The following MYO5A variants were observed in gnomAD, a reference collection of about 807,000 sequenced individuals.
MYO5A encodes myosin VA.
MYO5A carries 98 observed loss-of-function variants against 249.7 expected under a neutral mutation model. That is an observed-to-expected ratio of 0.39 (90% CI 0.33 to 0.46). MYO5A has a LOEUF of 0.46. MYO5A is among the 20% of genes least tolerant of loss of function. The probability of loss-of-function intolerance (pLI) is 0.98; values close to 1 mark genes in which losing one functional copy is unlikely to be tolerated. For missense variants in MYO5A, 1,696 were observed against 2,308.8 expected (o/e 0.73, Z 5.44); for synonymous variants, 778 against 810.6 (o/e 0.96, Z 0.68).
chr15:52,435,921 TTTTC>T (rs1394198590), intron 1 of MYO5A, among the ~76,000 whole-genome samples: 2 of 152,134 alleles, frequency 1.3e-5, no homozygotes, highest in African/African-American at 2.4e-5. Flanking sequence ...AGTTTTTTTG[TTTTC>T]TGTTTTTCTG....
chr15:52,483,736 T>C (rs2076762531), intron 1 of MYO5A, among the ~76,000 whole-genome samples: 1 of 152,196 alleles, frequency 6.6e-6, no homozygotes, highest in African/African-American at 2.4e-5. Context: ...CGAAGGTCCA[T>C]CCCCAGACTA....
intron 9 of MYO5A, among the ~76,000 whole-genome samples, chr15:52,399,602 T>A (rs536085751): frequency 6.6e-4 from 101 of 152,320 alleles, no homozygotes; most frequent in Middle Eastern, 3.4e-3. Flanking sequence ...ACTTTCTGTA[T>A]CTCTATATTT....
At chr15:52,528,696 C>T in intron 1 of MYO5A, 84 bp downstream of exon 1, 2 of 1,423,656 alleles carry the variant, frequency 1.4e-6, no homozygotes, top group Admixed American at 2.6e-5. Flanking sequence ...CTGGGCCCGG[C>T]GCTCCCGCCC....
chr15:52,353,068 C>T (rs533265187), intron 27 of MYO5A, among the ~76,000 whole-genome samples: 10 of 152,222 alleles, frequency 6.6e-5, no homozygotes, highest in South Asian at 6.2e-4. Flanking sequence ...ATTGCTGGGG[C>T]GCACCCTCAG....
chr15:52,437,016 C>G (rs766372406), intron 1 of MYO5A, among the ~76,000 whole-genome samples: 1 of 152,050 alleles, frequency 6.6e-6, no homozygotes, highest in Non-Finnish European at 1.5e-5. Flanking sequence ...AAGTATAAAC[C>G]AATATATAAG....
intron 9 of MYO5A, among the ~76,000 whole-genome samples, chr15:52,403,344 C>G (rs2042844521): frequency 6.6e-6 from 1 of 152,048 alleles, no homozygotes; most frequent in African/African-American, 2.4e-5. Flanking sequence ...AGTGGATAAA[C>G]AAAATATGGT....
chr15:52,416,364 G>GA (rs1467660165), intron 4 of MYO5A, 63 bp from the exon 5 acceptor site: 1 of 1,540,990 alleles, frequency 6.5e-7, no homozygotes, highest in East Asian at 2.3e-5. Flanking sequence ...ATTGATAAGG[G>GA]AAACTATGGT....
At chr15:52,518,111 C>T (rs1165884373) in intron 1 of MYO5A, among the ~76,000 whole-genome samples, 2 of 151,946 alleles carry the variant, frequency 1.3e-5, no homozygotes, top group Non-Finnish European at 2.9e-5. Flanking sequence ...GTGTGATTCT[C>T]CCCCATCCCC....
At chr15:52,367,678 C>T (rs1481487322) in intron 22 of MYO5A, among the ~76,000 whole-genome samples, 1 of 152,080 alleles carries the variant, frequency 6.6e-6, no homozygotes. Context: ...GCTTTTGATT[C>T]TCCCATCTGA....
chr15:52,526,188 AT>A (rs1288932506), intron 1 of MYO5A, among the ~76,000 whole-genome samples: 3 of 152,024 alleles, frequency 2.0e-5, no homozygotes, highest in East Asian at 1.9e-4. Flanking sequence ...GTTAAAAAAA[AT>A]TTTTTTTCAA....
At chr15:52,396,072 C>G (rs1156731622) in intron 11 of MYO5A, among the ~76,000 whole-genome samples, 1 of 152,212 alleles carries the variant, frequency 6.6e-6, no homozygotes, top group East Asian at 1.9e-4. Context: ...ACACTGCCTG[C>G]TTCTCTCAAT....
rs562767390 is a variant in MYO5A, at chr15:52,312,465, C to T, written c.*1231G>A. 1 of 152,254 alleles carries T rather than the reference C, an allele frequency of 6.6e-6. No homozygotes were observed. The highest frequency in any genetic ancestry group is 2.1e-4 in the South Asian group (1 of 4,816). 9.4% of individuals were successfully genotyped at this position (152,254 alleles called of 1,614,324 possible). ...CTCCGCCTCCCAGGTTTAATCGATT[C>T]TCGTGCCTCAGCCTCCCGAGTAGCT... On this transcript the variant is annotated 3_prime_UTR_variant, in exon 42 of 42. Transcript: ENST00000399233.
chr15:52,470,025 C>A (rs1277441202), intron 1 of MYO5A, among the ~76,000 whole-genome samples: 1 of 152,238 alleles, frequency 6.6e-6, no homozygotes, highest in Non-Finnish European at 1.5e-5. Flanking sequence ...GCATTCACAA[C>A]ATCTGGACGA....
chr15:52,528,923 G>C, upstream of MYO5A: 1 of 945,980 alleles, frequency 1.1e-6, no homozygotes, highest in Non-Finnish European at 1.3e-6. Flanking sequence ...GGCAGGGCAG[G>C]GCCGGGCGGG....
At chr15:52,472,199 C>T (rs1266159748) in intron 1 of MYO5A, among the ~76,000 whole-genome samples, 1 of 151,972 alleles carries the variant, frequency 6.6e-6, no homozygotes, top group Non-Finnish European at 1.5e-5. Context: ...CTGCCTCAGC[C>T]GCCCAAGTAG....
At chr15:52,492,267 CAA>C (rs1471139338) in intron 1 of MYO5A, among the ~76,000 whole-genome samples, 1 of 152,078 alleles carries the variant, frequency 6.6e-6, no homozygotes, top group Non-Finnish European at 1.5e-5. Flanking sequence ...TTTATTACAG[CAA>C]AAAGACACGG....
At chr15:52,467,397 C>T (rs2076374077) in intron 1 of MYO5A, among the ~76,000 whole-genome samples, 1 of 151,954 alleles carries the variant, frequency 6.6e-6, no homozygotes, top group African/African-American at 2.4e-5. Flanking sequence ...ATTTGAAATG[C>T]TTCAAAAATA....
chr15:52,345,730 C>A (rs902160397), intron 30 of MYO5A, among the ~76,000 whole-genome samples: 9 of 152,292 alleles, frequency 5.9e-5, no homozygotes, highest in Admixed American at 4.6e-4. Context: ...GCTGACTGCA[C>A]CTTTCTTTTT....
chr15:52,467,201 T>G (rs2076370863), intron 1 of MYO5A, among the ~76,000 whole-genome samples: 1 of 152,166 alleles, frequency 6.6e-6, no homozygotes, highest in South Asian at 2.1e-4. Context: ...ATCCTTGAAA[T>G]GTCGATAAAT....
Sources: gnomAD v4.1 joint callset for allele counts (sites outside exome capture counted in the v4.1 genomes callset) on GRCh38, gnomAD v4.1.1 for gene constraint, MANE v1.5 for transcripts, NCBI Gene and HGNC (gene_info 2026-07-23, HGNC 2026-07-21) for gene names.